Variants in LRRC4B observed in about 807,000 individuals in gnomAD.
LRRC4B encodes leucine-rich repeat-containing protein 4B.
LRRC4B carries 1 observed loss-of-function variant against 7.3 expected under a neutral mutation model. That is an observed-to-expected ratio of 0.14 (90% CI 0.05 to 0.65). The LOEUF is 0.65. LRRC4B is among the 30% of genes least tolerant of loss of function. The pLI is 0.84. For missense variants in LRRC4B, 730 were observed against 1,041.6 expected, an observed-to-expected ratio of 0.70 and a Z score of 4.12; for synonymous variants, 500 against 499.2, an observed-to-expected ratio of 1.00 and a Z score of -0.02.
Position 50,519,391 on chromosome 19 carries a change from G to A in LRRC4B, c.322C>T (p.His108Tyr), listed in dbSNP as rs201823891. 370 of 1,603,938 alleles carry A rather than the reference G, an allele frequency of 2.3e-4. 3 individuals are homozygous for A. The highest frequency in any genetic ancestry group is 4.8e-5 in the Non-Finnish European group (57 of 1,178,142). Residue 108 changes from histidine (H) to tyrosine (Y), a missense_variant, in exon 3 of 3, where the codon CAC becomes TAC. Physicochemically the swap from His to Tyr is moderately conservative, Grantham distance 83 (BLOSUM62 2). This residue lies in a region of LRRC4B where 143 missense variants were observed against 158.4 expected (regional missense o/e 0.90). Transcript: ENST00000652263. This position sits in a 1 kb window ranked among gnomAD's most constrained non-coding sequence, Gnocchi z 8.1. Reference sequence around the variant, plus strand: ...TGCAGAATCTCCAGGTGCCGCAGGTGCTTGAACGTGTCCGTCCGGATCACC... The same window carrying A: ...TGCAGAATCTCCAGGTGCCGCAGGTACTTGAACGTGTCCGTCCGGATCACC... ...IQVIRTDTFK[H>Y]LRHLEILQLS...
intron 2 of LRRC4B, among the ~76,000 whole-genome samples, chr19:50,528,938 G>T (rs748591721): frequency 4.6e-5 from 7 of 152,182 alleles, no homozygotes; most frequent in Non-Finnish European, 1.0e-4. Flanking sequence ...AGCCGGAGAT[G>T]CGACTGTGCC....
rs1047632944 is a variant in LRRC4B, at chr19:50,537,236, G to A, written c.297+11306C>T. On this transcript the variant is annotated intron_variant, in intron 2 of 2. Transcript: ENST00000652263. The surrounding 1 kb of genome is among the most constrained non-coding windows in gnomAD (Gnocchi z 5.5). Reference sequence around the variant, plus strand: ...AGTCCCAGCTCCGTTACTAACCATGGGACCAGGACCGTTTGCAAGTGTCTT... The same window carrying A: ...AGTCCCAGCTCCGTTACTAACCATGAGACCAGGACCGTTTGCAAGTGTCTT... Among the ~76,000 whole-genome samples, 2 of 152,160 alleles carry A rather than the reference G, an allele frequency of 1.3e-5. No individual in the cohort carries two copies. The highest frequency in any genetic ancestry group is 2.9e-5 in the Non-Finnish European group (2 of 68,028).
At chr19:50,562,060 G>A (rs1015179333) in intron 1 of LRRC4B, among the ~76,000 whole-genome samples, 2 of 151,248 alleles carry the variant, frequency 1.3e-5, no homozygotes, top group African/African-American at 4.9e-5. Flanking sequence ...AGAGGTTGCA[G>A]TGAGCCGAGA....
rs1413045915 is a variant in LRRC4B, at chr19:50,552,676, C to CCATT, written c.-35-3804_-35-3803insAATG. ...TCCATCCATCCATCCATCCATCCAT[C>CCATT]CATCCATCCATCCGTCCATCCATCC... On this transcript the variant is annotated intron_variant, in intron 1 of 2. Coordinates refer to ENST00000652263, the MANE Select transcript of LRRC4B (RefSeq NM_001080457.2). Among the ~76,000 whole-genome samples, 133 of 145,430 alleles carry CCATT rather than the reference C, an allele frequency of 9.1e-4. 9 individuals carry two copies. The highest frequency in any genetic ancestry group is 3.0e-3 in the African/African-American group (121 of 39,730).
chr19:50,518,080 A>T lies in LRRC4B; in HGVS notation c.1633T>A (p.Ser545Thr). ...AACGCCTTCTCCGTGGGCCGCGAGG[A>T]GCGCGGGGCGGGTGCCGTGGTAGAA... Reference protein sequence around the residue: ...SSSTTAPAPRSSRPTEKAFTV... With the variant: ...SSSTTAPAPRTSRPTEKAFTV... The change falls in exon 3 of 3, where the codon TCC becomes ACC. Residue 545 changes from serine (S) to threonine (T), a missense_variant. Physicochemically the swap from Ser to Thr is moderately conservative, Grantham distance 58 (BLOSUM62 1). Transcript: ENST00000652263. The T allele has an allele frequency of 1.3e-6, 2 of 1,591,582 alleles. No individual in the cohort carries two copies. Among genetic ancestry groups the T allele is most frequent in the Non-Finnish European group, 1.7e-6 (2 of 1,172,074 alleles).
chr19:50,561,130 GAACA>G (rs1323377581), intron 1 of LRRC4B, among the ~76,000 whole-genome samples: 4 of 151,974 alleles, frequency 2.6e-5, no homozygotes, highest in East Asian at 3.9e-4. Context: ...CGGGTCAGAA[GAACA>G]AACAGTTTTC....
chr19:50,567,904 G>A (rs1982690521), intron 1 of LRRC4B, 40 bp downstream of exon 1: 1 of 41,578 alleles, frequency 2.4e-5, no homozygotes, highest in Non-Finnish European at 4.5e-5. Flanking sequence ...TTCCGCCTCC[G>A]GCCCCCGCCC....
intron 2 of LRRC4B, among the ~76,000 whole-genome samples, chr19:50,527,568 T>G (rs1980866819): frequency 6.6e-6 from 1 of 152,010 alleles, no homozygotes; most frequent in African/African-American, 2.4e-5. Flanking sequence ...AGTATTTTCT[T>G]ACATCATGAA....
At chr19:50,565,847 CTTTCG>C (rs1982612269) in intron 1 of LRRC4B, among the ~76,000 whole-genome samples, 2 of 151,968 alleles carry the variant, frequency 1.3e-5, no homozygotes, top group Non-Finnish European at 2.9e-5. Context: ...CCGACTCTTT[CTTTCG>C]GAAATTAAGT....
At chr19:50,543,425 C>T (rs1301016185) in intron 2 of LRRC4B, among the ~76,000 whole-genome samples, 1 of 151,596 alleles carries the variant, frequency 6.6e-6, no homozygotes, top group African/African-American at 2.4e-5. Context: ...ACTCACAGGG[C>T]GGTGCTTCTC....
Position 50,537,994 on chromosome 19 carries a change from C to T in LRRC4B, c.297+10548G>A, listed in dbSNP as rs144121369. Among the ~76,000 whole-genome samples, 693 of 152,304 alleles carry T rather than the reference C, an allele frequency of 4.6e-3. 10 individuals are homozygous for T. Among genetic ancestry groups the T allele is most frequent in the Non-Finnish European group, 3.3e-3 (222 of 68,012 alleles). Reference sequence around the variant, plus strand: ...GCGGCTGGGGAATGTCCCAGTTGACCTCAAGAGAGGTCAGCTCCTAGATTC... The same window carrying T: ...GCGGCTGGGGAATGTCCCAGTTGACTTCAAGAGAGGTCAGCTCCTAGATTC... On this transcript the variant is annotated intron_variant, in intron 2 of 2. Transcript: ENST00000652263. The surrounding 1 kb of genome is among the most constrained non-coding windows in gnomAD (Gnocchi z 5.5).
chr19:50,520,779 G>T (rs917383356), intron 2 of LRRC4B, among the ~76,000 whole-genome samples: 2 of 151,930 alleles, frequency 1.3e-5, no homozygotes, highest in Non-Finnish European at 2.9e-5. Flanking sequence ...TCTACAAAAA[G>T]AATTTAAAAA....
intron 1 of LRRC4B, among the ~76,000 whole-genome samples, chr19:50,558,133 A>G (rs982943715): frequency 4.6e-5 from 7 of 152,084 alleles, no homozygotes; most frequent in African/African-American, 1.4e-4. Context: ...AGTTACAGGC[A>G]GATTTTCAAC....
chr19:50,535,265 TG>T (rs1981230363), intron 2 of LRRC4B, among the ~76,000 whole-genome samples: 1 of 151,982 alleles, frequency 6.6e-6, no homozygotes, highest in Non-Finnish European at 1.5e-5. Flanking sequence ...CTCCGCCTCC[TG>T]GGTTCAAGTG....
chr19:50,560,679 G>A (rs905642187), intron 1 of LRRC4B, among the ~76,000 whole-genome samples: 7 of 152,312 alleles, frequency 4.6e-5, no homozygotes, highest in Admixed American at 1.3e-4. Context: ...TGTGTCCCCC[G>A]CCCCAGGCTC....
chr19:50,528,266 C>G (rs1482983580), intron 2 of LRRC4B, among the ~76,000 whole-genome samples: 1 of 152,062 alleles, frequency 6.6e-6, no homozygotes, highest in African/African-American at 2.4e-5. Flanking sequence ...GTCTCAAACT[C>G]CTGGCCTTGA....
intron 2 of LRRC4B, among the ~76,000 whole-genome samples, chr19:50,533,825 G>T (rs949841937): frequency 1.3e-5 from 2 of 152,326 alleles, no homozygotes; most frequent in African/African-American, 2.4e-5. Context: ...GTGGTTCATA[G>T]CTGAGAAAAT....
intron 2 of LRRC4B, among the ~76,000 whole-genome samples, chr19:50,544,321 A>G (rs1449665276): frequency 2.0e-5 from 3 of 151,938 alleles, no homozygotes; most frequent in African/African-American, 4.8e-5. Context: ...CCTGGCTAAC[A>G]CAGTGAAACC....
chr19:50,548,732 G>T lies in LRRC4B; in HGVS notation c.107C>A (p.Ala36Asp). 1 of 1,539,890 alleles carries T rather than the reference G, an allele frequency of 6.5e-7. No individual in the cohort carries two copies. The change falls in exon 2 of 3, where the codon GCC (alanine) becomes GAC (aspartate). Residue 36 changes from alanine to aspartate, a missense_variant. By Grantham distance (126) the Ala-to-Asp change is moderately radical. Coordinates refer to ENST00000652263, the MANE Select transcript of LRRC4B (RefSeq NM_001080457.2). This position sits in a 1 kb window ranked among gnomAD's most constrained non-coding sequence, Gnocchi z 6.8. The part of the protein sequence containing the change: ...FLWLFSPPLG[A>D]GGGGVAVTSA... ...CGTCACGGCCACTCCACCTCCACCG[G>T]CCCCCAGGGGTGGGGAGAAGAGCCA...
Sources: gnomAD v4.1 joint callset for allele counts (sites outside exome capture counted in the v4.1 genomes callset) on GRCh38, gnomAD v4.1.1 for gene constraint, gnomAD v4.1.1 regional missense constraint, Gnocchi (gnomAD v3.1) non-coding constraint, MANE v1.5 for transcripts, NCBI Gene and HGNC (gene_info 2026-07-23, HGNC 2026-07-21) for gene names.